Variants in DCUN1D3 observed in about 807,000 individuals in gnomAD.
DCUN1D3 encodes the protein defective in cullin neddylation 1 domain containing 3.
A neutral mutation model predicts 24.8 loss-of-function variants in DCUN1D3; 6 were observed. The observed-to-expected ratio is 0.24, with a 90% CI of 0.13 to 0.48. DCUN1D3 has a LOEUF of 0.48. Among genes scored for constraint, DCUN1D3 ranks in the 20% least tolerant of loss-of-function variants. The pLI, the probability that DCUN1D3 is intolerant of heterozygous loss-of-function variation, is 0.99. For synonymous variants in DCUN1D3, 120 were observed against 144.9 expected, an observed-to-expected ratio of 0.83 and a Z score of 1.24; for missense variants, 258 against 379.4, an observed-to-expected ratio of 0.68 and a Z score of 2.66.
rs1259146915 is a variant in DCUN1D3, at chr16:20,857,702, C to T, written c.*2184G>A. 1 of 152,184 alleles carries T rather than the reference C, an allele frequency of 6.6e-6. No individual in the cohort carries two copies. The highest frequency in any genetic ancestry group is 1.5e-5 in the Non-Finnish European group (1 of 68,056). The allele number at this position is 152,184 out of a possible 1,614,324, so 9.4% of individuals were successfully genotyped here. ...AGACTTATTCAAGAGTCTTATTTAG[C>T]TAGAACAGAAGCCAGGCATCTGGCC... On this transcript the variant is annotated 3_prime_UTR_variant, in exon 3 of 3. Transcript: ENST00000324344.
Position 20,862,409 on chromosome 16 carries a change from A to G in DCUN1D3, c.130T>C (p.Cys44Arg), listed in dbSNP as rs763483895. 7 of 1,613,898 alleles carry G rather than the reference A, an allele frequency of 4.3e-6. No individual in the cohort carries two copies. In the East Asian group the frequency reaches 1.1e-4, roughly 26 times the overall value. ...AGGATATCTCCACCTGGCTTGCCAC[A>G]GGGTGGTACCTGCTCCTCACGGTGG... is the stretch of plus-strand genomic sequence containing the variant. ...AGHREEQVPP[C>R]GKPGGDILVN... The change falls in exon 2 of 3, where the codon TGT becomes CGT. Residue 44 changes from cysteine (C) to arginine (R), a missense_variant. Coordinates refer to ENST00000324344, the MANE Select transcript of DCUN1D3 (RefSeq NM_173475.4).
chr16:20,893,669 C>A (rs533091570), intron 1 of DCUN1D3, among the ~76,000 whole-genome samples: 221 of 152,284 alleles, frequency 1.5e-3, no homozygotes, highest in African/African-American at 5.2e-3. Flanking sequence ...TCATCCCTGC[C>A]ACAAGCATAC....
In DCUN1D3 at chr16:20,859,601, G is replaced by T; in HGVS notation, c.*285C>A. The T allele has an allele frequency of 1.6e-5, 3 of 190,390 alleles. No individual in the cohort carries two copies. Among genetic ancestry groups the T allele is most frequent in the Non-Finnish European group, 3.0e-5 (3 of 100,758 alleles). The allele number at this position is 190,390 out of a possible 1,614,324, so 11.8% of individuals were successfully genotyped here. A position where few individuals can be genotyped will look rare whatever the true frequency, so the allele number is the denominator to read the frequency against. ...AAAAACCTAAATTTGTGCAAGAAAT[G>T]GCAGGCTTATTCTATCTGAAGGCTT... On this transcript the variant is annotated 3_prime_UTR_variant, in exon 3 of 3. Transcript: ENST00000324344.
Position 20,860,333 on chromosome 16 carries a change from T to G in DCUN1D3, c.468A>C (p.Ala156=), listed in dbSNP as rs775124888. 2 of 1,613,436 alleles carry G rather than the reference T, an allele frequency of 1.2e-6. No individual in the cohort carries two copies. Among genetic ancestry groups the G allele is most frequent in the Non-Finnish European group, 1.7e-6 (2 of 1,179,620 alleles). The change falls in exon 3 of 3, where the codon GCA becomes GCC. Residue 156 remains alanine (A), a synonymous_variant. Coordinates refer to ENST00000324344, the MANE Select transcript of DCUN1D3 (RefSeq NM_173475.4). The surrounding 1 kb of genome is among the most constrained non-coding windows in gnomAD (Gnocchi z 4.3). The part of the protein sequence containing the change: ...EFFDGCKAIS[A]DSIDGICARF... ...GTGCACAGATTCCGTCAATGCTGTC[T>G]GCACTTATTGCTTTGCAGCCATCAA... is the stretch of plus-strand genomic sequence containing the variant.
intron 1 of DCUN1D3, among the ~76,000 whole-genome samples, chr16:20,884,292 A>C (rs1376884530): frequency 6.6e-6 from 1 of 152,178 alleles, no homozygotes; most frequent in Non-Finnish European, 1.5e-5. Flanking sequence ...AAAGATCTTA[A>C]CCAAGACAAA....
chr16:20,873,924 C>G (rs929129403), intron 1 of DCUN1D3, among the ~76,000 whole-genome samples: 1 of 152,060 alleles, frequency 6.6e-6, no homozygotes, highest in Non-Finnish European at 1.5e-5. Context: ...ATGAAATCAC[C>G]AAGTGGAAAG....
chr16:20,880,264 T>C (rs543789628), intron 1 of DCUN1D3, among the ~76,000 whole-genome samples: 1 of 152,148 alleles, frequency 6.6e-6, no homozygotes, highest in Non-Finnish European at 1.5e-5. Context: ...CATCTTAGAC[T>C]GCAAGCTCCA....
At position 20,856,473 on chromosome 16, in the gene DCUN1D3, C is replaced by G. The variant is rs960932765; in HGVS notation, c.*3413G>C. On this transcript the variant is annotated 3_prime_UTR_variant, in exon 3 of 3. Coordinates refer to ENST00000324344, the MANE Select transcript of DCUN1D3 (RefSeq NM_173475.4). ...TTCCAAAAAGACTAGTTTGTGCTTTCCTTGGGGAAGTTTAATATTGAAAAC... is the reference window on the plus strand; with the variant it reads ...TTCCAAAAAGACTAGTTTGTGCTTTGCTTGGGGAAGTTTAATATTGAAAAC... 2.6e-5 allele frequency: 4 copies of G among 152,182 alleles called. No individual in the cohort carries two copies. The highest frequency in any genetic ancestry group is 5.9e-5 in the Non-Finnish European group (4 of 68,044). 9.4% of individuals were successfully genotyped at this position (152,182 alleles called of 1,614,324 possible). A position where few individuals can be genotyped will look rare whatever the true frequency, so the allele number is the denominator to read the frequency against.
In DCUN1D3 at chr16:20,859,869, C is replaced by T. The variant is rs772404698; in HGVS notation, c.*17G>A. ...GGCAGCTGGCAGATCCTTGCTGCTG[C>T]TCCTGGGACAGAGCCACTAAGTCTG... On this transcript the variant is annotated 3_prime_UTR_variant, in exon 3 of 3. Transcript: ENST00000324344. 5 of 1,576,586 alleles carry T rather than the reference C, an allele frequency of 3.2e-6. No individual in the cohort carries two copies. The highest frequency in any genetic ancestry group is 3.4e-4 in the Middle Eastern group (2 of 5,874).
intron 2 of DCUN1D3, among the ~76,000 whole-genome samples, chr16:20,861,273 C>T (rs994121673): frequency 5.1e-4 from 77 of 152,160 alleles, no homozygotes; most frequent in African/African-American, 1.7e-3. Flanking sequence ...CCCAGAGGCA[C>T]TTACTATATT....
chr16:20,892,859 A>G (rs1206879146), intron 1 of DCUN1D3, among the ~76,000 whole-genome samples: 3 of 152,244 alleles, frequency 2.0e-5, no homozygotes, highest in Non-Finnish European at 2.9e-5. Context: ...CCAGCTTTCT[A>G]TCAAGTATCC....
In DCUN1D3 at chr16:20,859,820, G is replaced by C; in HGVS notation, c.*66C>G. 6.6e-7 allele frequency: 1 copy of C among 1,518,140 alleles called. No individual in the cohort carries two copies. The highest frequency in any genetic ancestry group is 1.4e-5 in the South Asian group (1 of 73,834). 94.0% of individuals were successfully genotyped at this position (1,518,140 alleles called of 1,614,324 possible). On this transcript the variant is annotated 3_prime_UTR_variant, in exon 3 of 3. Transcript: ENST00000324344. Reference sequence around the variant, plus strand: ...CGGATCTTCAGTAATTTCCAAAATGGTCCAATTCCTCAGTTGGCTGCAGGG... The same window carrying C: ...CGGATCTTCAGTAATTTCCAAAATGCTCCAATTCCTCAGTTGGCTGCAGGG...
chr16:20,883,421 G>A (rs1413537204), intron 1 of DCUN1D3, among the ~76,000 whole-genome samples: 1 of 152,126 alleles, frequency 6.6e-6, no homozygotes, highest in Non-Finnish European at 1.5e-5. Context: ...GCTGGGGCAG[G>A]AGAATGGCAT....
chr16:20,876,865 C>T (rs2081818329), intron 1 of DCUN1D3, among the ~76,000 whole-genome samples: 1 of 152,194 alleles, frequency 6.6e-6, no homozygotes, highest in Non-Finnish European at 1.5e-5. Flanking sequence ...ACAAATAGCA[C>T]ATGTTCTCAC....
chr16:20,886,575 A>C (rs2081868992), intron 1 of DCUN1D3, among the ~76,000 whole-genome samples: 2 of 152,324 alleles, frequency 1.3e-5, no homozygotes, highest in South Asian at 4.1e-4. Flanking sequence ...ATAACATCCA[A>C]CTTCCCAAAC....
chr16:20,880,908 C>A (rs8052379), intron 1 of DCUN1D3, among the ~76,000 whole-genome samples: 93,658 of 151,970 alleles, frequency 0.62, 30,140 homozygotes, highest in Non-Finnish European at 0.72. Flanking sequence ...GCAGCAGAGC[C>A]AAAATTCAGA....
At chr16:20,875,212 A>ATG (rs1555497076) in intron 1 of DCUN1D3, among the ~76,000 whole-genome samples, 18 of 22,798 alleles carry the variant, frequency 7.9e-4, no homozygotes, top group African/African-American at 1.3e-3. Flanking sequence ...GCGCTCATGC[A>ATG]CACACACACA....
chr16:20,889,156 C>T (rs1171534715), intron 1 of DCUN1D3, among the ~76,000 whole-genome samples: 3 of 145,472 alleles, frequency 2.1e-5, no homozygotes, highest in Admixed American at 7.1e-5. Flanking sequence ...GCCCAGGAGG[C>T]GGAGGTTGCA....
At chr16:20,864,630 CCAT>C (rs534419258) in intron 1 of DCUN1D3, among the ~76,000 whole-genome samples, 67 of 152,238 alleles carry the variant, frequency 4.4e-4, no homozygotes, top group Admixed American at 7.2e-4. Flanking sequence ...ACTAGCAATC[CCAT>C]TACTGGGCAT....
Sources: allele counts gnomAD v4.1 joint callset (sites outside exome capture counted in the v4.1 genomes callset), GRCh38; gene constraint gnomAD v4.1.1; non-coding constraint Gnocchi (gnomAD v3.1); transcripts MANE v1.5; gene names NCBI Gene and HGNC (gene_info 2026-07-23, HGNC 2026-07-21).